FGD3: variants seen among roughly 807,000 people sequenced by gnomAD.
FGD3 encodes the protein FYVE, RhoGEF and PH domain-containing protein 3.
Under a neutral mutation model 71.8 loss-of-function variants are expected in FGD3, and 45 were observed. The ratio of observed to expected loss-of-function variants is 0.63; its 90% CI spans 0.49 to 0.80. FGD3 has a LOEUF of 0.80. Among genes scored for constraint, FGD3 ranks in the 30% least tolerant of loss-of-function variants. The pLI, the probability that FGD3 is intolerant of heterozygous loss-of-function variation, is 0.00. For synonymous variants in FGD3, 378 were observed against 392.8 expected, an observed-to-expected ratio of 0.96 and a Z score of 0.44; for missense variants, 844 against 951.5, an observed-to-expected ratio of 0.89 and a Z score of 1.49.
At chr9:93,026,334 C>T (rs1241215199) in intron 14 of FGD3, among the ~76,000 whole-genome samples, 1 of 152,206 alleles carries the variant, frequency 6.6e-6, no homozygotes, top group East Asian at 1.9e-4. Context: ...AAAACCTGAG[C>T]TCCCTTTTTT....
At position 93,020,382 on chromosome 9, in the gene FGD3, C is replaced by T; in HGVS notation, c.1452C>T (p.Ala484=). 6.2e-7 allele frequency: 1 copy of T among 1,613,800 alleles called. No homozygotes were observed. The highest frequency in any genetic ancestry group is 8.5e-7 in the Non-Finnish European group (1 of 1,179,974). ...AAACCTTCAAGGCTTTTGGTGGCGCCTTCAGCCAGGATGAGGACCCCAGCC... is the reference window on the plus strand; with the variant it reads ...AAACCTTCAAGGCTTTTGGTGGCGCTTTCAGCCAGGATGAGGACCCCAGCC... ...NSETFKAFGG[A]FSQDEDPSLS... is the part of the protein sequence containing the mutation. The change falls in exon 13 of 18, where the codon GCC becomes GCT. Residue 484 remains alanine, a synonymous_variant. Transcript: ENST00000375482.
rs377126697 is a variant in FGD3 at position 93,020,439 on chromosome 9, C to T, written c.1494+15C>T. 33 of 1,607,820 alleles carry T rather than the reference C, an allele frequency of 2.1e-5. No homozygotes were observed. The highest frequency in any genetic ancestry group is 6.7e-5 in the African/African-American group (5 of 74,734). On this transcript the variant is annotated intron_variant, in intron 13 of 17. Coordinates refer to ENST00000375482, the MANE Select transcript of FGD3 (RefSeq NM_001083536.2). ...CAGACATGCCTGTGAGTCAGTGGCC[C>T]GGGGTGCAGAGAGACCTCCAGGGGA...
At chr9:93,034,814 C>T (rs1285596299) in intron 17 of FGD3, 133 bp downstream of exon 17, 7 of 1,074,680 alleles carry the variant, frequency 6.5e-6, no homozygotes, top group East Asian at 2.7e-5. Context: ...TCAGTTTCCC[C>T]GGCAGCGCAG....
intron 3 of FGD3, among the ~76,000 whole-genome samples, chr9:92,985,980 C>T (rs1321175627): frequency 6.6e-6 from 1 of 152,114 alleles, no homozygotes; most frequent in Non-Finnish European, 1.5e-5. Context: ...CCTTAGGGTT[C>T]CAGAATGAAC....
chr9:92,976,478 G>T lies in FGD3; in HGVS notation c.222G>T (p.Arg74=). The T allele has an allele frequency of 3.1e-6, 5 of 1,612,120 alleles. No individual in the cohort carries two copies. The highest frequency in any genetic ancestry group is 4.2e-6 in the Non-Finnish European group (5 of 1,179,562). ...GTGGTAGCTTAAAGATCCCCAACCG[G>T]GACAGCGGGATCGACAGTCCCTCCT... ...ELSGSLKIPN[R]DSGIDSPSSS... is the part of the protein sequence containing the mutation. Residue 74 remains arginine (R), a synonymous_variant, in exon 3 of 18, where the codon CGG becomes CGT. Coordinates refer to ENST00000375482, the MANE Select transcript of FGD3 (RefSeq NM_001083536.2).
chr9:92,999,075 A>C (rs1860756043), intron 3 of FGD3, among the ~76,000 whole-genome samples: 1 of 152,186 alleles, frequency 6.6e-6, no homozygotes. Flanking sequence ...CCAGAGGTGG[A>C]GTCTACAGAG....
intron 3 of FGD3, among the ~76,000 whole-genome samples, chr9:92,990,872 G>C (rs1193487553): frequency 6.6e-6 from 1 of 152,148 alleles, no homozygotes; most frequent in Non-Finnish European, 1.5e-5. Context: ...ATATTGGCCT[G>C]TAGTTTTCTT....
chr9:93,017,868 G>A (rs1024522455), intron 10 of FGD3, among the ~76,000 whole-genome samples: 1 of 152,016 alleles, frequency 6.6e-6, no homozygotes, highest in Non-Finnish European at 1.5e-5. Context: ...TGTCGGGGGG[G>A]TGGGTTTGGT....
intron 5 of FGD3, 101 bp from the exon 6 acceptor site, chr9:93,005,923 C>A (rs186068262): frequency 5.2e-6 from 7 of 1,341,748 alleles, no homozygotes; most frequent in Non-Finnish European, 7.1e-6. Flanking sequence ...TCACACAGAG[C>A]TGGCCTCCAC....
intron 3 of FGD3, among the ~76,000 whole-genome samples, chr9:92,978,470 G>A (rs926072929): frequency 3.8e-5 from 5 of 131,668 alleles, no homozygotes; most frequent in Non-Finnish European, 7.7e-5. Flanking sequence ...TTGGACAAGA[G>A]ACTGATTAAC....
intron 16 of FGD3, 200 bp downstream of exon 16, chr9:93,033,073 C>A: frequency 1.5e-6 from 1 of 651,404 alleles, no homozygotes; most frequent in Non-Finnish European, 2.8e-6. Context: ...CTTCTCGGGA[C>A]CAGCCAGGGC....
At chr9:92,970,998 C>A (rs766392036) in intron 1 of FGD3, among the ~76,000 whole-genome samples, 2 of 152,174 alleles carry the variant, frequency 1.3e-5, no homozygotes, top group Non-Finnish European at 2.9e-5. Flanking sequence ...TTTAAAACAA[C>A]GCATACTCTG....
chr9:92,976,672 C>T lies in FGD3; in HGVS notation c.416C>T (p.Thr139Ile), dbSNP rs773864228. ...GGTGAGGAACCTGACTCTGAGAACA[C>T]CCCCCAGAAGGCTGACAAGGATGCC... ...DVGEEPDSEN[T>I]PQKADKDAGL... Residue 139 changes from threonine (T) to isoleucine (I), a missense_variant, in exon 3 of 18, where the codon ACC (threonine) becomes ATC (isoleucine). By Grantham distance (89) the Thr-to-Ile change is moderately conservative (BLOSUM62 -1). Coordinates refer to ENST00000375482, the MANE Select transcript of FGD3 (RefSeq NM_001083536.2). The T allele has an allele frequency of 1.2e-5, 19 of 1,606,130 alleles. No individual in the cohort carries two copies. The highest frequency in any genetic ancestry group is 1.6e-5 in the Non-Finnish European group (19 of 1,176,222).
At chr9:93,030,127 G>A (rs1862300462) in intron 15 of FGD3, 131 bp downstream of exon 15, 2 of 1,070,550 alleles carry the variant, frequency 1.9e-6, no homozygotes, top group South Asian at 3.2e-5. Flanking sequence ...CCTGATCCTG[G>A]CTCATGGATA....
chr9:93,034,508 G>A, intron 16 of FGD3, 33 bp from the exon 17 acceptor site: 1 of 1,583,834 alleles, frequency 6.3e-7, no homozygotes, highest in Non-Finnish European at 8.6e-7. Context: ...CTGCAGGGGA[G>A]ACTGCCCCTA....
At chr9:92,997,166 G>A (rs1003605887) in intron 3 of FGD3, among the ~76,000 whole-genome samples, 1 of 152,116 alleles carries the variant, frequency 6.6e-6, no homozygotes, top group African/African-American at 2.4e-5. Flanking sequence ...CTCCTGTATT[G>A]GGTGCATATA....
intron 3 of FGD3, among the ~76,000 whole-genome samples, chr9:92,990,333 C>CA (rs1034981578): frequency 7.3e-5 from 11 of 151,664 alleles, no homozygotes; most frequent in Non-Finnish European, 1.5e-4. Context: ...GATCCTGTAT[C>CA]AAAAAAACAA....
In FGD3 at chr9:92,976,506, A is replaced by T. The variant is rs1158225527; in HGVS notation, c.250A>T (p.Ser84Cys). Reference protein sequence around the residue: ...RDSGIDSPSSSVAGENFPCEE... With the variant: ...RDSGIDSPSSCVAGENFPCEE... ...CAGCGGGATCGACAGTCCCTCCTCC[A>T]GTGTGGCTGGAGAGAACTTTCCCTG... The change falls in exon 3 of 18, where the codon AGT becomes TGT. Residue 84 changes from serine (S) to cysteine (C), a missense_variant. By Grantham distance (112) the Ser-to-Cys change is moderately radical. Transcript: ENST00000375482. 1 of 1,612,520 alleles carries T rather than the reference A, an allele frequency of 6.2e-7. No individual in the cohort carries two copies. Among genetic ancestry groups the T allele is most frequent in the East Asian group, 2.2e-5 (1 of 44,862 alleles).
At position 93,029,501 on chromosome 9, in the gene FGD3, C is replaced by T. The variant is rs77506609; in HGVS notation, c.1558-373C>T. Among the ~76,000 whole-genome samples, 346 of 152,354 alleles carry T rather than the reference C, an allele frequency of 2.3e-3. 2 individuals carry two copies. The highest frequency in any genetic ancestry group is 2.9e-3 in the Non-Finnish European group (195 of 68,032). ...GTTGCAGACAGGGATGCCCCCGTCC[C>T]CAGGGCTGCAGGCCATGGCTGTGCT... On this transcript the variant is annotated intron_variant, in intron 14 of 17. Coordinates refer to ENST00000375482, the MANE Select transcript of FGD3 (RefSeq NM_001083536.2).
Sources: gnomAD v4.1 joint callset for allele counts (sites outside exome capture counted in the v4.1 genomes callset) on GRCh38, gnomAD v4.1.1 for gene constraint, MANE v1.5 for transcripts, NCBI Gene and HGNC (gene_info 2026-07-23, HGNC 2026-07-21) for gene names.